The following SPATA16 variants were observed in gnomAD, a reference collection of about 807,000 sequenced individuals.
The protein encoded by SPATA16 is spermatogenesis-associated protein 16.
A neutral mutation model predicts 63.3 loss-of-function variants in SPATA16; 36 were observed. That is an observed-to-expected ratio of 0.57 (90% confidence interval 0.44 to 0.75). The LOEUF (loss-of-function observed/expected upper bound fraction) is 0.75. Among genes scored for constraint, SPATA16 ranks in the 30% least tolerant of loss-of-function variants. The pLI, the probability that SPATA16 is intolerant of heterozygous loss-of-function variation, is 0.00. For missense variants in SPATA16, 646 were observed against 679.3 expected (o/e 0.95, Z 0.54); for synonymous variants, 203 against 216.7 (o/e 0.94, Z 0.56).
intron 2 of SPATA16, among the ~76,000 whole-genome samples, chr3:173,056,344 C>A (rs11926241): frequency 2.0e-5 from 3 of 151,916 alleles, no homozygotes; most frequent in South Asian, 2.1e-4. Context: ...TAATTTTTTT[C>A]AAAAAGAGCA....
intron 2 of SPATA16, among the ~76,000 whole-genome samples, chr3:173,113,055 A>G (rs1737791999): frequency 6.6e-6 from 1 of 152,204 alleles, no homozygotes; most frequent in South Asian, 2.1e-4. Context: ...TCCTTTATGT[A>G]TTCCTAATTT....
chr3:172,998,223 T>C (rs1456151869), intron 4 of SPATA16, among the ~76,000 whole-genome samples: 1 of 152,146 alleles, frequency 6.6e-6, no homozygotes, highest in Non-Finnish European at 1.5e-5. Context: ...CAGAGTTTTG[T>C]AGTTTTTCTC....
At chr3:172,993,673 G>A (rs551777949) in intron 4 of SPATA16, among the ~76,000 whole-genome samples, 1 of 152,212 alleles carries the variant, frequency 6.6e-6, no homozygotes, top group East Asian at 1.9e-4. Context: ...TTGTGTATAG[G>A]TTGTATACAC....
intron 9 of SPATA16, among the ~76,000 whole-genome samples, chr3:172,915,075 C>T (rs1732449467): frequency 6.6e-6 from 1 of 152,102 alleles, no homozygotes; most frequent in Non-Finnish European, 1.5e-5. Context: ...ACAATATGCA[C>T]TTTGAAAGCT....
intron 3 of SPATA16, among the ~76,000 whole-genome samples, chr3:173,048,275 C>T (rs1736001417): frequency 6.6e-6 from 1 of 151,990 alleles, no homozygotes; most frequent in Admixed American, 6.6e-5. Context: ...AATATAATCA[C>T]TTTATCTTTG....
At chr3:172,915,969 A>C (rs1732474257) in intron 9 of SPATA16, among the ~76,000 whole-genome samples, 1 of 152,164 alleles carries the variant, frequency 6.6e-6, no homozygotes, top group South Asian at 2.1e-4. Context: ...CTTTTTCATA[A>C]AAGAGAATCA....
At chr3:173,051,290 C>T (rs532304465) in intron 2 of SPATA16, among the ~76,000 whole-genome samples, 1 of 152,324 alleles carries the variant, frequency 6.6e-6, no homozygotes, top group South Asian at 2.1e-4. Context: ...GCAACCTCTG[C>T]CTCCCGGGTT....
intron 6 of SPATA16, among the ~76,000 whole-genome samples, chr3:172,933,553 T>C (rs913770578): frequency 6.6e-6 from 1 of 152,210 alleles, no homozygotes; most frequent in Admixed American, 6.5e-5. Flanking sequence ...AAGCTAGCAC[T>C]TGAGGGCATG....
rs1390324801 is a variant in SPATA16, at chr3:173,003,682, A to G, written c.848+15804T>C. ...CATAAATTGGGATGACAGTCCAGGA[A>G]CATACTGTTCATACCAGTGTTTCAC... On this transcript the variant is annotated intron_variant, in intron 4 of 10. Transcript: ENST00000351008. Among the ~76,000 whole-genome samples the G allele has an allele frequency of 1.2e-3, 183 of 152,318 alleles. 2 individuals carry two copies. The highest frequency in any genetic ancestry group is 1.8e-4 in the Non-Finnish European group (12 of 68,030).
chr3:172,960,916 C>CCCTT (rs758433386), intron 5 of SPATA16, among the ~76,000 whole-genome samples: 2 of 121,932 alleles, frequency 1.6e-5, no homozygotes, highest in African/African-American at 3.0e-5. Flanking sequence ...CTCCCTCCCT[C>CCCTT]CCTTCCTTCC....
chr3:172,994,559 C>T (rs567877880), intron 4 of SPATA16, among the ~76,000 whole-genome samples: 7 of 151,512 alleles, frequency 4.6e-5, no homozygotes, highest in Admixed American at 2.0e-4. Flanking sequence ...TGTGTGCACA[C>T]GCACGTGATG....
chr3:173,105,747 T>C (rs6773210), intron 2 of SPATA16, among the ~76,000 whole-genome samples: 5,755 of 151,678 alleles, frequency 0.038, 360 homozygotes, highest in African/African-American at 0.13. Flanking sequence ...AAATTTTCCT[T>C]CCTCCCTCCC....
At chr3:173,051,881 G>A (rs7624097) in intron 2 of SPATA16, among the ~76,000 whole-genome samples, 38,563 of 151,018 alleles carry the variant, frequency 0.26, 5,753 homozygotes, top group African/African-American at 0.42. Flanking sequence ...GCAGCATCTC[G>A]ACTCACTGCA....
chr3:173,090,711 G>C (rs1412109574), intron 2 of SPATA16, among the ~76,000 whole-genome samples: 1 of 152,170 alleles, frequency 6.6e-6, no homozygotes, highest in Non-Finnish European at 1.5e-5. Flanking sequence ...AGTTTGTCAT[G>C]CTCCTTGGCA....
intron 8 of SPATA16, among the ~76,000 whole-genome samples, chr3:172,922,620 G>A (rs1732637027): frequency 6.6e-6 from 1 of 152,178 alleles, no homozygotes; most frequent in Non-Finnish European, 1.5e-5. Context: ...GGCAGGCATT[G>A]CTTCAAAGAG....
chr3:173,074,838 A>G (rs1172278713), intron 2 of SPATA16, among the ~76,000 whole-genome samples: 1 of 151,916 alleles, frequency 6.6e-6, no homozygotes, highest in Non-Finnish European at 1.5e-5. Flanking sequence ...TCTCTACTAA[A>G]AATACACAAA....
intron 2 of SPATA16, among the ~76,000 whole-genome samples, chr3:173,053,590 G>A (rs1736150146): frequency 6.6e-6 from 1 of 151,996 alleles, no homozygotes; most frequent in African/African-American, 2.4e-5. Context: ...ATAATATATG[G>A]TGAGCCACAT....
At position 172,994,847 on chromosome 3, in the gene SPATA16, TTTAA is replaced by T. The variant is rs1185910230; in HGVS notation, c.849-17799_849-17796del. Among the ~76,000 whole-genome samples the T allele has an allele frequency of 2.0e-5, 3 of 152,196 alleles. 1 individual carries two copies. Among genetic ancestry groups the T allele is most frequent in the African/African-American group, 2.4e-5 (1 of 41,472 alleles). On this transcript the variant is annotated intron_variant, in intron 4 of 10. Transcript: ENST00000351008. Reference sequence around the variant, plus strand: ...TTGTATTCTGTGGGCATTTTAACTTTTTAATTAATTAATCCCTTATGTTAGGCAG... The same window carrying T: ...TTGTATTCTGTGGGCATTTTAACTTTTTAATTAATCCCTTATGTTAGGCAG...
intron 1 of SPATA16, among the ~76,000 whole-genome samples, chr3:173,135,895 T>C (rs1738532988): frequency 6.6e-6 from 1 of 152,206 alleles, no homozygotes; most frequent in African/African-American, 2.4e-5. Context: ...TCTGTCTTCA[T>C]TTGTGCCTTT....
Sources: gnomAD v4.1 joint callset for allele counts (sites outside exome capture counted in the v4.1 genomes callset) on GRCh38, gnomAD v4.1.1 for gene constraint, MANE v1.5 for transcripts, NCBI Gene and HGNC (gene_info 2026-07-23, HGNC 2026-07-21) for gene names.